The following CADPS variants were observed in gnomAD, a reference collection of about 807,000 sequenced individuals.
CADPS encodes calcium-dependent secretion activator 1.
A neutral mutation model predicts 167.3 loss-of-function variants in CADPS; 57 were observed. The ratio of observed to expected loss-of-function variants is 0.34; its 90% CI spans 0.28 to 0.42. The LOEUF is 0.42. Ranked by LOEUF, CADPS falls within the 20% of genes least tolerant of loss-of-function variation. The pLI, the probability that CADPS is intolerant of heterozygous loss-of-function variation, is 1.00. For missense variants in CADPS, 1,414 were observed against 1,738.1 expected, an observed-to-expected ratio of 0.81 and a Z score of 3.32; for synonymous variants, 676 against 635.3, an observed-to-expected ratio of 1.06 and a Z score of -0.96.
rs1349262146 is a variant in CADPS, at chr3:62,401,811, T to A, written c.3882+1270A>T. Among the ~76,000 whole-genome samples, 3 of 152,318 alleles carry A rather than the reference T, an allele frequency of 2.0e-5. No individual in the cohort carries two copies. In the East Asian group the frequency reaches 5.8e-4, roughly 29 times the overall value. ...ATATTTTTCCTTCATAAAATATTGT[T>A]AATTTCCAACACCAATCTGGAAATA... On this transcript the variant is annotated intron_variant, in intron 29 of 29. Transcript: ENST00000383710.
At chr3:62,711,430 A>G (rs2083372774) in intron 3 of CADPS, among the ~76,000 whole-genome samples, 1 of 152,242 alleles carries the variant, frequency 6.6e-6, no homozygotes, top group Non-Finnish European at 1.5e-5. Context: ...AAAAATAAAG[A>G]TGCAATTTGA....
At chr3:62,552,377 A>T (rs1353311566) in intron 10 of CADPS, among the ~76,000 whole-genome samples, 1 of 152,216 alleles carries the variant, frequency 6.6e-6, no homozygotes, top group Non-Finnish European at 1.5e-5. Context: ...TTAAAGTATA[A>T]AAAATAAAAA....
chr3:62,820,804 T>TCTG (rs2094877095), intron 1 of CADPS, among the ~76,000 whole-genome samples: 1 of 150,802 alleles, frequency 6.6e-6, no homozygotes, highest in Non-Finnish European at 1.5e-5. Context: ...GGTTTTTTTT[T>TCTG]TTTTTCTGTC....
chr3:62,466,527 T>C (rs1396747083), intron 24 of CADPS, 114 bp from the exon 25 acceptor site: 4 of 717,634 alleles, frequency 5.6e-6, no homozygotes, highest in Non-Finnish European at 1.0e-5. Flanking sequence ...GGACCCCGTT[T>C]ATTTCCTTAG....
chr3:62,859,453 T>C (rs1454425326), intron 1 of CADPS, among the ~76,000 whole-genome samples: 6 of 152,122 alleles, frequency 3.9e-5, no homozygotes, highest in East Asian at 1.9e-4. Context: ...GCTCTCCACA[T>C]AGAAAGAAAA....
intron 1 of CADPS, among the ~76,000 whole-genome samples, chr3:62,797,006 A>G (rs2093456863): frequency 6.6e-6 from 1 of 152,166 alleles, no homozygotes; most frequent in South Asian, 2.1e-4. Flanking sequence ...TATATTTACA[A>G]TTTTACCAAC....
chr3:62,687,322 C>T (rs1175723264), intron 3 of CADPS, among the ~76,000 whole-genome samples: 1 of 152,036 alleles, frequency 6.6e-6, no homozygotes, highest in Non-Finnish European at 1.5e-5. Context: ...TGTAAGTTCA[C>T]GATGACCACC....
chr3:62,822,837 A>G (rs991097282), intron 1 of CADPS, among the ~76,000 whole-genome samples: 17 of 152,032 alleles, frequency 1.1e-4, no homozygotes, highest in Admixed American at 2.6e-4. Context: ...GTGAGACTCC[A>G]TCTCAAAAAA....
At chr3:62,432,170 A>G (rs2054115764) in intron 28 of CADPS, among the ~76,000 whole-genome samples, 1 of 152,168 alleles carries the variant, frequency 6.6e-6, no homozygotes, top group Admixed American at 6.6e-5. Flanking sequence ...AAGTAGTTCT[A>G]TGAGATGATA....
Position 62,593,585 on chromosome 3 carries a change from G to A in CADPS, c.1326-837C>T, listed in dbSNP as rs139557089. On this transcript the variant is annotated intron_variant, in intron 6 of 29. Coordinates refer to ENST00000383710, the MANE Select transcript of CADPS (RefSeq NM_003716.4). ...CAGGGCACCTGTTCCATTGCACTCAGGGGGCAATCTGGACCCCTACCTATG... is the reference window on the plus strand; with the variant it reads ...CAGGGCACCTGTTCCATTGCACTCAAGGGGCAATCTGGACCCCTACCTATG... 2.6e-3 allele frequency among the ~76,000 whole-genome samples: 391 copies of A among 152,288 alleles called. 2 individuals are homozygous for A. Among genetic ancestry groups the A allele is most frequent in the Non-Finnish European group, 4.0e-3 (271 of 68,036 alleles).
intron 9 of CADPS, among the ~76,000 whole-genome samples, chr3:62,563,054 C>T (rs1265904700): frequency 6.6e-6 from 1 of 152,170 alleles, no homozygotes; most frequent in Non-Finnish European, 1.5e-5. Context: ...GATAATATTG[C>T]TTGAGTCCTG....
At chr3:62,472,783 G>A (rs1560856683) in intron 24 of CADPS, among the ~76,000 whole-genome samples, 1 of 152,230 alleles carries the variant, frequency 6.6e-6, no homozygotes, top group Non-Finnish European at 1.5e-5. Context: ...CCAGCTTTCA[G>A]CTCAGCCAGG....
intron 6 of CADPS, among the ~76,000 whole-genome samples, chr3:62,627,488 A>C (rs1422288015): frequency 5.3e-5 from 8 of 152,154 alleles, no homozygotes; most frequent in Non-Finnish European, 7.4e-5. Flanking sequence ...CTAAAACGGA[A>C]ATTTCAAATG....
intron 1 of CADPS, among the ~76,000 whole-genome samples, chr3:62,853,791 T>A (rs1481928316): frequency 6.6e-6 from 1 of 151,822 alleles, no homozygotes; most frequent in African/African-American, 2.4e-5. Context: ...CAAAACCCTG[T>A]CTCTACAAAA....
intron 2 of CADPS, among the ~76,000 whole-genome samples, chr3:62,755,720 G>T (rs1448728480): frequency 1.3e-5 from 2 of 152,158 alleles, no homozygotes; most frequent in African/African-American, 4.8e-5. Context: ...TTATGAGTGG[G>T]AACTGGTACT....
Position 62,468,968 on chromosome 3 carries a change from C to A in CADPS, c.3478-2555G>T, listed in dbSNP as rs2060256197. Reference sequence around the variant, plus strand: ...AATGCATGGAAACGTGGTTTAGAAACTGAGAGGTGCTATGTGGCAGTATTA... The same window carrying A: ...AATGCATGGAAACGTGGTTTAGAAAATGAGAGGTGCTATGTGGCAGTATTA... On this transcript the variant is annotated intron_variant, in intron 24 of 29. Coordinates refer to ENST00000383710, the MANE Select transcript of CADPS (RefSeq NM_003716.4). Among the ~76,000 whole-genome samples, 12 of 152,112 alleles carry A rather than the reference C, an allele frequency of 7.9e-5. 1 individual carries two copies. The South Asian group carries it at 2.3e-3, about 29-fold the overall frequency.
intron 1 of CADPS, among the ~76,000 whole-genome samples, chr3:62,816,215 A>G (rs894023185): frequency 1.3e-5 from 2 of 152,130 alleles, no homozygotes; most frequent in Non-Finnish European, 2.9e-5. Context: ...ATGGGAAAAA[A>G]TCCTTTCCCA....
At chr3:62,485,829 G>A (rs1561071364) in intron 21 of CADPS, among the ~76,000 whole-genome samples, 1 of 152,142 alleles carries the variant, frequency 6.6e-6, no homozygotes, top group East Asian at 1.9e-4. Flanking sequence ...AAGAATGTTA[G>A]CATTGGAAAA....
intron 3 of CADPS, among the ~76,000 whole-genome samples, chr3:62,675,137 G>A (rs1296543850): frequency 6.6e-6 from 1 of 152,048 alleles, no homozygotes; most frequent in Non-Finnish European, 1.5e-5. Flanking sequence ...CCACCATTTT[G>A]TGACTCTGCT....
Sources: allele counts gnomAD v4.1 joint callset (sites outside exome capture counted in the v4.1 genomes callset), GRCh38; gene constraint gnomAD v4.1.1; transcripts MANE v1.5; gene names NCBI Gene and HGNC (gene_info 2026-07-23, HGNC 2026-07-21).